Variants in ZSCAN23 observed in about 807,000 individuals in gnomAD.
The protein encoded by ZSCAN23 is zinc finger and SCAN domain-containing protein 23.
Under a neutral mutation model 19.3 loss-of-function variants are expected in ZSCAN23, and 19 were observed. The ratio of observed to expected loss-of-function variants is 0.99; its 90% CI spans 0.69 to 1.45. ZSCAN23 has a LOEUF of 1.45. Among genes scored for constraint, ZSCAN23 ranks in the 40% most tolerant of loss-of-function variants. ZSCAN23 has a pLI of 0.00. For missense variants in ZSCAN23, 372 were observed against 462.5 expected (o/e 0.80, Z 1.79); for synonymous variants, 140 against 166.2 (o/e 0.84, Z 1.21).
chr6:28,438,178 C>A (rs1761930809), intron 1 of ZSCAN23, among the ~76,000 whole-genome samples: 1 of 152,088 alleles, frequency 6.6e-6, no homozygotes, highest in Non-Finnish European at 1.5e-5. Flanking sequence ...CTCACTGCAA[C>A]CTCCGCCTCC....
At chr6:28,425,807 A>C in the ZSCAN23 span, among the ~76,000 whole-genome samples, 1 of 152,202 alleles carries the variant, frequency 6.6e-6, no homozygotes, top group Non-Finnish European at 1.5e-5. Context: ...ATCTACATTA[A>C]AAATATGTTG....
chr6:28,438,285 C>T (rs1761932281), intron 1 of ZSCAN23, among the ~76,000 whole-genome samples: 1 of 152,070 alleles, frequency 6.6e-6, no homozygotes, highest in Admixed American at 6.6e-5. Context: ...TTAGTAGAGA[C>T]AGGGTTGTAC....
downstream of ZSCAN23, among the ~76,000 whole-genome samples, chr6:28,431,203 C>A (rs970889633): frequency 6.6e-6 from 1 of 152,198 alleles, no homozygotes; most frequent in East Asian, 1.9e-4. Flanking sequence ...TAGGTGGCTA[C>A]ACCTAAGTCT....
chr6:28,435,381 G>A lies in ZSCAN23; in HGVS notation c.556+79C>T. ...TACCTGGCACAGTGCCTGGCATACA[G>A]CAGACACTAAATAAATGGGTTGAAT... On this transcript the variant is annotated intron_variant, in intron 3 of 3. Transcript: ENST00000289788. 3 of 1,481,990 alleles carry A rather than the reference G, an allele frequency of 2.0e-6. No homozygotes were observed. The South Asian group carries it at 4.0e-5, about 20-fold the overall frequency. The allele number at this position is 1,481,990 out of a possible 1,614,324, so 91.8% of individuals were successfully genotyped here. A position where few individuals can be genotyped will look rare whatever the true frequency, so the allele number is the denominator to read the frequency against.
At position 28,435,888 on chromosome 6, in the gene ZSCAN23, C is replaced by G; in HGVS notation, c.379G>C (p.Glu127Gln). The change falls in exon 2 of 4, where the codon GAG (glutamate) becomes CAG (glutamine). Residue 127 changes from glutamate (E) to glutamine (Q), a missense_variant. Glu to Gln is a conservative substitution (Grantham distance 29, BLOSUM62 2). Transcript: ENST00000289788. ...TCTCCTGGGTCATCCAGCTCTCTCT[C>G]CAAATCCTCCAGCACAGTCACTGCC... ...EEAVTVLEDL[E>Q]RELDDPGEQV... The G allele has an allele frequency of 6.2e-7, 1 of 1,608,948 alleles. No homozygotes were observed. Among genetic ancestry groups the G allele is most frequent in the Non-Finnish European group, 8.5e-7 (1 of 1,177,580 alleles).
chr6:28,430,334 C>T (rs896693867), downstream of ZSCAN23, among the ~76,000 whole-genome samples: 1 of 152,086 alleles, frequency 6.6e-6, no homozygotes, highest in Non-Finnish European at 1.5e-5. Flanking sequence ...CCTCCCACAG[C>T]CCTAGTCATG....
At chr6:28,422,496 C>A in the ZSCAN23 span, among the ~76,000 whole-genome samples, 1 of 152,096 alleles carries the variant, frequency 6.6e-6, no homozygotes, top group Non-Finnish European at 1.5e-5. The surrounding 1 kb of genome is among the most constrained non-coding windows in gnomAD (Gnocchi z 4.0). Context: ...AGTAAGCATG[C>A]ACCTACTAAA....
rs1226148556 is a variant in ZSCAN23, at chr6:28,434,734, C to T, written c.901G>A (p.Gly301Arg). The T allele has an allele frequency of 1.2e-6, 2 of 1,601,434 alleles. No homozygotes were observed. The highest frequency in any genetic ancestry group is 1.7e-6 in the Non-Finnish European group (2 of 1,173,720). Residue 301 changes from glycine (G) to arginine (R), a missense_variant, in exon 4 of 4, where the codon GGG becomes AGG. Transcript: ENST00000289788. ...ACACTGCACTGGTAGCGCTTCTCCC[C>T]AGTGTGGAGTCTCTGGTGCTGGAAT... Reference protein sequence around the residue: ...GLFQHQRLHTGEKRYQCSVCG... With the variant: ...GLFQHQRLHTREKRYQCSVCG...
intron 1 of ZSCAN23, among the ~76,000 whole-genome samples, chr6:28,442,198 G>A (rs1455863213): frequency 6.6e-6 from 1 of 152,088 alleles, no homozygotes; most frequent in Non-Finnish European, 1.5e-5. Flanking sequence ...TTAACGCAGT[G>A]ATCTTGGGCA....
In ZSCAN23 at chr6:28,435,990, G is replaced by T; in HGVS notation, c.277C>A (p.Leu93Met). Residue 93 changes from leucine (L) to methionine (M), a missense_variant, in exon 2 of 4, where the codon CTG (leucine) becomes ATG (methionine). Transcript: ENST00000289788. ...GGCAGGATAGTCAGGAACTGCTCCA[G>T]CACCAGCAGCTCTAGGATCTGCTCC... ...TKEQILELLV[L>M]EQFLTILPEE... 1 of 1,614,218 alleles carries T rather than the reference G, an allele frequency of 6.2e-7. No individual in the cohort carries two copies. Among genetic ancestry groups the T allele is most frequent in the South Asian group, 1.1e-5 (1 of 91,084 alleles).
chr6:28,424,869 T>A, the ZSCAN23 span, among the ~76,000 whole-genome samples: 1 of 152,252 alleles, frequency 6.6e-6, no homozygotes, highest in African/African-American at 2.4e-5. Context: ...CCTGTTCATG[T>A]TGATATTTTG....
the ZSCAN23 span, among the ~76,000 whole-genome samples, chr6:28,426,907 T>G: frequency 1.3e-5 from 2 of 152,002 alleles, no homozygotes; most frequent in African/African-American, 4.8e-5. Flanking sequence ...GCCTCCCGGG[T>G]TCAAGCCTCC....
downstream of ZSCAN23, among the ~76,000 whole-genome samples, chr6:28,429,868 TAC>T (rs1761724597): frequency 6.6e-6 from 1 of 152,088 alleles, no homozygotes; most frequent in Non-Finnish European, 1.5e-5. Flanking sequence ...GGACACCGCC[TAC>T]ACACACAGTC....
In ZSCAN23 at chr6:28,434,614, T is replaced by G. The variant is rs961435843; in HGVS notation, c.1021A>C (p.Ser341Arg). The change falls in exon 4 of 4, where the codon AGT becomes CGT. Residue 341 changes from serine to arginine, a missense_variant. Physicochemically the swap from Ser to Arg is moderately radical, Grantham distance 110. Coordinates refer to ENST00000289788, the MANE Select transcript of ZSCAN23 (RefSeq NM_001012455.2). ...KPYQCNQCNK[S>R]FSRRSVLIKH... is the part of the protein sequence containing the mutation. Reference sequence around the variant, plus strand: ...ATGAGGACTGAACGTCGACTAAAACTCTTATTGCACTGATTGCACTGGTAA... The same window carrying G: ...ATGAGGACTGAACGTCGACTAAAACGCTTATTGCACTGATTGCACTGGTAA... The G allele has an allele frequency of 6.4e-7, 1 of 1,557,620 alleles. No homozygotes were observed. The highest frequency in any genetic ancestry group is 8.7e-7 in the Non-Finnish European group (1 of 1,150,540).
chr6:28,435,091 T>C lies in ZSCAN23; in HGVS notation c.557-13A>G. 7.9e-6 allele frequency: 12 copies of C among 1,510,444 alleles called. No individual in the cohort carries two copies. The highest frequency in any genetic ancestry group is 1.1e-5 in the Non-Finnish European group (12 of 1,128,476). The allele number at this position is 1,510,444 out of a possible 1,614,324, so 93.6% of individuals were successfully genotyped here. On this transcript the variant is annotated splice_polypyrimidine_tract_variant and intron_variant, in intron 3 of 3. Coordinates refer to ENST00000289788, the MANE Select transcript of ZSCAN23 (RefSeq NM_001012455.2). ...CCAGCCTTGCCATCTAAAATAACGA[T>C]AACATGAAAGATAACATGAAGTATG...
At chr6:28,435,343 A>G in intron 3 of ZSCAN23, 117 bp downstream of exon 3, 1 of 1,351,382 alleles carries the variant, frequency 7.4e-7, no homozygotes, top group Non-Finnish European at 9.9e-7. Context: ...CTTGTTTATC[A>G]CTGTATCCCT....
chr6:28,438,280 A>G (rs1761932121), intron 1 of ZSCAN23, among the ~76,000 whole-genome samples: 1 of 152,022 alleles, frequency 6.6e-6, no homozygotes, highest in Non-Finnish European at 1.5e-5. Flanking sequence ...TATTTTTAGT[A>G]GAGACAGGGT....
chr6:28,429,832 G>T (rs1467078996), downstream of ZSCAN23, among the ~76,000 whole-genome samples: 1 of 152,180 alleles, frequency 6.6e-6, no homozygotes, highest in Non-Finnish European at 1.5e-5. Flanking sequence ...AAAGTATAAA[G>T]CATCTTGCAT....
Position 28,434,494 on chromosome 6 carries a change from T to G in ZSCAN23, c.1141A>C (p.Lys381Gln). 6.5e-7 allele frequency: 1 copy of G among 1,548,838 alleles called. No individual in the cohort carries two copies. The highest frequency in any genetic ancestry group is 8.7e-7 in the Non-Finnish European group (1 of 1,144,864). ...IYHCNLIQHRKVHPVAESS is the reference protein window; with the variant it reads ...IYHCNLIQHRQVHPVAESS ...CTTGATTCAGCCACTGGGTGGACTTTCCGATGCTGGATTAGGTTGCAATGG... is the reference window on the plus strand; with the variant it reads ...CTTGATTCAGCCACTGGGTGGACTTGCCGATGCTGGATTAGGTTGCAATGG... Residue 381 changes from lysine to glutamine, a missense_variant, in exon 4 of 4, where the codon AAA becomes CAA. Transcript: ENST00000289788.
Sources: allele counts gnomAD v4.1 joint callset (sites outside exome capture counted in the v4.1 genomes callset), GRCh38; gene constraint gnomAD v4.1.1; non-coding constraint Gnocchi (gnomAD v3.1); transcripts MANE v1.5; gene names NCBI Gene and HGNC (gene_info 2026-07-23, HGNC 2026-07-21).